HPSE2: variants seen among roughly 807,000 people sequenced by gnomAD.
HPSE2 encodes inactive heparanase-2.
A neutral mutation model predicts 60.5 loss-of-function variants in HPSE2; 38 were observed. The observed-to-expected ratio is 0.63, with a 90% CI of 0.48 to 0.82. The LOEUF (loss-of-function observed/expected upper bound fraction) is 0.82. Ranked by LOEUF, HPSE2 falls within the 40% of genes least tolerant of loss-of-function variation. HPSE2 has a pLI of 0.00. For synonymous variants in HPSE2, 295 were observed against 293.2 expected, an observed-to-expected ratio of 1.01 and a Z score of -0.06; for missense variants, 713 against 740.4, an observed-to-expected ratio of 0.96 and a Z score of 0.43.
chr10:98,496,311 AAT>A (rs1489483101), intron 9 of HPSE2, among the ~76,000 whole-genome samples: 1 of 152,222 alleles, frequency 6.6e-6, no homozygotes, highest in Non-Finnish European at 1.5e-5. Flanking sequence ...AAAAGGCACC[AAT>A]CTTTTAAATC....
chr10:98,531,528 C>T (rs556194645), intron 9 of HPSE2, among the ~76,000 whole-genome samples: 2 of 152,218 alleles, frequency 1.3e-5, no homozygotes, highest in African/African-American at 2.4e-5. Context: ...CTGTAGTGCA[C>T]GTGCGGGCTA....
chr10:98,831,976 C>A (rs1027395039), intron 3 of HPSE2, among the ~76,000 whole-genome samples: 9 of 152,174 alleles, frequency 5.9e-5, no homozygotes, highest in Non-Finnish European at 1.3e-4. Flanking sequence ...TAGGTTTGAT[C>A]CCTTGGGATA....
At chr10:99,094,888 C>T (rs1017598042) in intron 3 of HPSE2, among the ~76,000 whole-genome samples, 19 of 151,422 alleles carry the variant, frequency 1.3e-4, no homozygotes, top group Admixed American at 2.0e-4. Flanking sequence ...CTTAAATTTC[C>T]GCTTTAGAAA....
At chr10:98,476,372 A>G (rs1941021070) in intron 11 of HPSE2, among the ~76,000 whole-genome samples, 1 of 148,402 alleles carries the variant, frequency 6.7e-6, no homozygotes, top group South Asian at 2.2e-4. Flanking sequence ...CCTAATGCTA[A>G]ATGACGAGTT....
intron 3 of HPSE2, among the ~76,000 whole-genome samples, chr10:98,952,418 G>A (rs1031847303): frequency 6.6e-6 from 1 of 151,614 alleles, no homozygotes; most frequent in African/African-American, 2.4e-5. Flanking sequence ...AGGAGTGGAA[G>A]GTGGGCTGCA....
chr10:98,633,904 T>A (rs1424682784), intron 7 of HPSE2, among the ~76,000 whole-genome samples: 1 of 152,196 alleles, frequency 6.6e-6, no homozygotes. Flanking sequence ...CCAGATTGCT[T>A]ACATTCTTCA....
rs1231057090 is a variant in HPSE2, at chr10:98,639,140, C to T, written c.1098+2707G>A. ...TGAGGGTAGGTTAGGAAAAGTGATA[C>T]AGCATCACGTGTCAGAGACGGGAGT... On this transcript the variant is annotated intron_variant, in intron 7 of 11. Coordinates refer to ENST00000370552, the MANE Select transcript of HPSE2 (RefSeq NM_021828.5). Among the ~76,000 whole-genome samples the T allele has an allele frequency of 2.0e-5, 3 of 152,290 alleles. No individual in the cohort carries two copies. The East Asian group carries it at 5.8e-4, about 29-fold the overall frequency.
rs552943891 is a variant in HPSE2 at position 98,695,962 on chromosome 10, G to T, written c.957-2015C>A. Among the ~76,000 whole-genome samples, 5 of 152,160 alleles carry T rather than the reference G, an allele frequency of 3.3e-5. No individual in the cohort carries two copies. In the East Asian group the frequency reaches 9.7e-4, roughly 29 times the overall value. On this transcript the variant is annotated intron_variant, in intron 5 of 11. Coordinates refer to ENST00000370552, the MANE Select transcript of HPSE2 (RefSeq NM_021828.5). The stretch of plus-strand genomic sequence containing the variant: ...GAAGGAAAATTGAAAAATACAAGGA[G>T]AAAGAAAACAGATTAATATTCAAAA...
chr10:99,194,214 T>C (rs1422019206), intron 2 of HPSE2, among the ~76,000 whole-genome samples: 1 of 151,908 alleles, frequency 6.6e-6, no homozygotes, highest in Non-Finnish European at 1.5e-5. Context: ...TTTAAAAATT[T>C]CTTTAAATAA....
intron 6 of HPSE2, among the ~76,000 whole-genome samples, chr10:98,660,268 T>C (rs1264080584): frequency 6.6e-6 from 1 of 152,222 alleles, no homozygotes; most frequent in East Asian, 1.9e-4. Context: ...GCACTATGAG[T>C]GCAGAATTAT....
intron 3 of HPSE2, among the ~76,000 whole-genome samples, chr10:99,031,485 T>C (rs768835283): frequency 6.6e-6 from 1 of 152,186 alleles, no homozygotes; most frequent in Non-Finnish European, 1.5e-5. Flanking sequence ...CAAATTTCCA[T>C]AATACACAGC....
intron 9 of HPSE2, among the ~76,000 whole-genome samples, chr10:98,544,500 G>C (rs1373510465): frequency 2.6e-5 from 4 of 151,852 alleles, no homozygotes; most frequent in Admixed American, 2.6e-4. Context: ...CACGAGGTCA[G>C]GAGATCGAGA....
At chr10:98,511,997 C>G (rs1942423964) in intron 9 of HPSE2, among the ~76,000 whole-genome samples, 1 of 152,152 alleles carries the variant, frequency 6.6e-6, no homozygotes, top group Admixed American at 6.5e-5. Flanking sequence ...AATGCTAAAC[C>G]AGTAGCTACT....
chr10:98,874,179 T>C (rs999411472), intron 3 of HPSE2, among the ~76,000 whole-genome samples: 6 of 152,016 alleles, frequency 3.9e-5, no homozygotes, highest in Admixed American at 2.0e-4. Flanking sequence ...GATGTTTTTT[T>C]TTTTTCTGCT....
intron 3 of HPSE2, among the ~76,000 whole-genome samples, chr10:99,091,277 A>G (rs1002472160): frequency 3.3e-5 from 5 of 152,146 alleles, no homozygotes; most frequent in Non-Finnish European, 7.4e-5. Context: ...AACTACAACT[A>G]AACTTATTAA....
intron 3 of HPSE2, among the ~76,000 whole-genome samples, chr10:99,116,286 T>G (rs901531600): frequency 5.3e-5 from 8 of 152,112 alleles, no homozygotes; most frequent in African/African-American, 1.9e-4. Context: ...GGAATTAAAG[T>G]TGTCCAACCA....
intron 3 of HPSE2, among the ~76,000 whole-genome samples, chr10:98,988,229 A>G (rs1252751677): frequency 6.6e-6 from 1 of 152,280 alleles, no homozygotes; most frequent in African/African-American, 2.4e-5. Flanking sequence ...GCATCATGCT[A>G]CCTGACTTCA....
At chr10:99,054,867 T>C (rs1589584262) in intron 3 of HPSE2, among the ~76,000 whole-genome samples, 1 of 152,160 alleles carries the variant, frequency 6.6e-6, no homozygotes, top group East Asian at 1.9e-4. Context: ...CCCAGCACCA[T>C]GCCCAGCTAA....
intron 9 of HPSE2, among the ~76,000 whole-genome samples, chr10:98,566,239 A>G (rs1208184877): frequency 6.6e-6 from 1 of 152,230 alleles, no homozygotes; most frequent in Non-Finnish European, 1.5e-5. Context: ...CGTAAGCTAT[A>G]TAGAGAAAAA....
Sources: allele counts gnomAD v4.1 joint callset (sites outside exome capture counted in the v4.1 genomes callset), GRCh38; gene constraint gnomAD v4.1.1; transcripts MANE v1.5; gene names NCBI Gene and HGNC (gene_info 2026-07-23, HGNC 2026-07-21).